SLC2A9: variants seen among roughly 807,000 people sequenced by gnomAD.
SLC2A9 encodes solute carrier family 2 member 9.
SLC2A9 carries 39 observed loss-of-function variants against 50.6 expected under a neutral mutation model. The observed-to-expected ratio is 0.77, with a 90% CI of 0.60 to 1.01. SLC2A9 has a LOEUF of 1.01. Among genes scored for constraint, SLC2A9 ranks in the 50% least tolerant of loss-of-function variants. The probability of loss-of-function intolerance (pLI) is 0.00; values close to 1 mark genes in which losing one functional copy is unlikely to be tolerated. For synonymous variants in SLC2A9, 324 were observed against 276.9 expected (o/e 1.17, Z -1.69); for missense variants, 686 against 677.6 (o/e 1.01, Z -0.14).
intron 10 of SLC2A9, among the ~76,000 whole-genome samples, chr4:9,852,044 C>G (rs555315247): frequency 5.9e-5 from 9 of 152,158 alleles, no homozygotes; most frequent in African/African-American, 2.2e-4. Flanking sequence ...TGCAGGGAAC[C>G]CCTGTGAGAT....
intron 1 of SLC2A9, among the ~76,000 whole-genome samples, chr4:9,773,235 G>C (rs576639510): frequency 2.5e-3 from 378 of 152,292 alleles, no homozygotes; most frequent in Non-Finnish European, 3.7e-3. Flanking sequence ...CATCACCTGG[G>C]CCTTTCCACC....
chr4:9,985,254 C>T (rs993237491), intron 4 of SLC2A9, among the ~76,000 whole-genome samples: 4 of 152,122 alleles, frequency 2.6e-5, no homozygotes, highest in Admixed American at 6.6e-5. Context: ...TGCCAGCCCT[C>T]GCAGGTGCTC....
intron 5 of SLC2A9, among the ~76,000 whole-genome samples, chr4:9,964,114 A>C (rs1374478526): frequency 6.6e-6 from 1 of 152,212 alleles, no homozygotes; most frequent in Non-Finnish European, 1.5e-5. Flanking sequence ...GAGACATTCG[A>C]GAATTCTTAC....
Position 9,782,441 on chromosome 4 carries a change from C to A in SLC2A9, n.386-2376G>T, listed in dbSNP as rs765839800. On this transcript the variant is annotated intron_variant and non_coding_transcript_variant, in intron 3 of 3. Coordinates refer to the SLC2A9 transcript ENST00000503803. ...GAACCTGTGCGTCATCAGCGTGGAC[C>A]GCTACTGGGCCATCTCCAGGCCCTT... is the stretch of plus-strand genomic sequence containing the variant. 18 of 1,613,846 alleles carry A rather than the reference C, an allele frequency of 1.1e-5. No homozygotes were observed. The Admixed American group carries it at 2.7e-4, about 24-fold the overall frequency.
chr4:9,966,937 C>T (rs1753144971), intron 5 of SLC2A9, among the ~76,000 whole-genome samples: 1 of 152,256 alleles, frequency 6.6e-6, no homozygotes, highest in East Asian at 1.9e-4. Flanking sequence ...TTGATCTTTC[C>T]ATTCTTGTGC....
intron 3 of SLC2A9, among the ~76,000 whole-genome samples, chr4:9,819,116 C>CAAAAAAAAAAAAAAAAAAAAAAAAAAA (rs60751108): frequency 3.5e-5 from 2 of 57,374 alleles, no homozygotes; most frequent in African/African-American, 1.1e-4. Context: ...GAGACTGTCT[C>CAAAAAAAAAAAAAAAAAAAAAAAAAAA]AAAAAAAAAA....
At chr4:9,959,395 CA>C (rs397973896) in intron 5 of SLC2A9, among the ~76,000 whole-genome samples, 1,535 of 124,804 alleles carry the variant, frequency 0.012, 22 homozygotes, top group African/African-American at 0.037. Flanking sequence ...AACTCTGTCT[CA>C]AAAAAAAAAA....
At chr4:9,942,612 C>T (rs937289052) in intron 5 of SLC2A9, among the ~76,000 whole-genome samples, 4 of 152,148 alleles carry the variant, frequency 2.6e-5, no homozygotes, top group African/African-American at 7.2e-5. Flanking sequence ...GGAGAGGAGG[C>T]CTTTCACTTT....
chr4:9,940,908 G>A (rs1467604311), intron 6 of SLC2A9, among the ~76,000 whole-genome samples: 1 of 152,180 alleles, frequency 6.6e-6, no homozygotes, highest in Non-Finnish European at 1.5e-5. Context: ...AAAATGCACA[G>A]AGTTCTCAGT....
At chr4:9,845,038 G>T (rs1297333064) in intron 10 of SLC2A9, among the ~76,000 whole-genome samples, 3 of 106,880 alleles carry the variant, frequency 2.8e-5, no homozygotes, top group Admixed American at 2.4e-4. Flanking sequence ...TTTTGAGACA[G>T]AGTCTCGCTC....
intron 2 of SLC2A9, among the ~76,000 whole-genome samples, chr4:10,008,550 G>A (rs1486537736): frequency 3.3e-5 from 5 of 152,244 alleles, no homozygotes; most frequent in African/African-American, 1.2e-4. Context: ...AAACATCCTG[G>A]TGATGCAGAA....
At chr4:9,995,651 G>A (rs1313101721) in intron 3 of SLC2A9, 1 of 152,208 alleles carries the variant, frequency 6.6e-6, no homozygotes, top group African/African-American at 2.4e-5. Flanking sequence ...AGGTGATGAT[G>A]AGGGAAATGC....
intron 3 of SLC2A9, among the ~76,000 whole-genome samples, chr4:9,988,028 G>C (rs1443852751): frequency 6.6e-6 from 1 of 152,230 alleles, no homozygotes; most frequent in East Asian, 1.9e-4. Flanking sequence ...TCCAAGGAGA[G>C]GAATGACACC....
Position 9,908,256 on chromosome 4 carries a change from C to G in SLC2A9, c.1092G>C (p.Glu364Asp), listed in dbSNP as rs1362435704. 11 of 1,613,870 alleles carry G rather than the reference C, an allele frequency of 6.8e-6. No homozygotes were observed. The highest frequency in any genetic ancestry group is 9.3e-6 in the Non-Finnish European group (11 of 1,179,722). The stretch of plus-strand genomic sequence containing the variant: ...TTACAGAGAAGACGGCAGCCAAAGT[C>G]TCGATGCCCCCTGTACTCAAGGTGA... ...PYVTLSTGGIETLAAVFSGLV... is the reference protein window; with the variant it reads ...PYVTLSTGGIDTLAAVFSGLV... Residue 364 changes from glutamate (E) to aspartate (D), a missense_variant, in exon 8 of 12, where the codon GAG becomes GAC. Transcript: ENST00000264784.
At chr4:9,887,739 C>T in intron 9 of SLC2A9, 97 bp from the exon 10 acceptor site, 1 of 977,484 alleles carries the variant, frequency 1.0e-6, no homozygotes, top group East Asian at 3.1e-5. Context: ...TCTGTGTGAC[C>T]TTGGACAGGT....
chr4:10,020,064 G>GTGTC (rs1553915687), intron 1 of SLC2A9, among the ~76,000 whole-genome samples: 5 of 151,394 alleles, frequency 3.3e-5, no homozygotes, highest in African/African-American at 1.2e-4. Flanking sequence ...GTGTGTGTGT[G>GTGTC]TGTGTGTGTT....
At chr4:9,913,962 C>A (rs1225795292) in intron 7 of SLC2A9, among the ~76,000 whole-genome samples, 1 of 152,190 alleles carries the variant, frequency 6.6e-6, no homozygotes, top group African/African-American at 2.4e-5. Flanking sequence ...TATTGTAAAT[C>A]CCCAAACCTA....
chr4:9,968,202 C>A (rs572015172), intron 5 of SLC2A9, among the ~76,000 whole-genome samples: 134 of 152,226 alleles, frequency 8.8e-4, no homozygotes, highest in African/African-American at 3.0e-3. Flanking sequence ...ATGCTATCTT[C>A]TTCTTAAAAA....
rs1319602139 is a variant in SLC2A9, at chr4:9,942,715, A to G, written c.682-670T>C. ...CAAGCAGTGACATCCCCTGCAGTGC[A>G]GCTTAAATGAAGCCCAGAGCACACG... is the stretch of plus-strand genomic sequence containing the variant. On this transcript the variant is annotated intron_variant, in intron 5 of 11. Transcript: ENST00000264784. Among the ~76,000 whole-genome samples the G allele has an allele frequency of 7.2e-5, 11 of 152,234 alleles. No homozygotes were observed. The East Asian group carries it at 2.1e-3, about 29-fold the overall frequency.
Sources: gnomAD v4.1 joint callset for allele counts (sites outside exome capture counted in the v4.1 genomes callset) on GRCh38, gnomAD v4.1.1 for gene constraint, MANE v1.5 for transcripts, NCBI Gene and HGNC (gene_info 2026-07-23, HGNC 2026-07-21) for gene names.